AP2B1: variants seen among roughly 807,000 people sequenced by gnomAD.
AP2B1 encodes the protein adaptor related protein complex 2 subunit beta 1.
A neutral mutation model predicts 102.0 loss-of-function variants in AP2B1; 23 were observed. The ratio of observed to expected loss-of-function variants is 0.23; its 90% CI spans 0.16 to 0.32. AP2B1 has a LOEUF of 0.32. Ranked by LOEUF, AP2B1 falls within the 10% of genes least tolerant of loss-of-function variation. The probability of loss-of-function intolerance (pLI) is 1.00; values close to 1 mark genes in which losing one functional copy is unlikely to be tolerated. For synonymous variants in AP2B1, 381 were observed against 421.2 expected (o/e 0.90, Z 1.17); for missense variants, 541 against 1,157.4 (o/e 0.47, Z 7.73).
chr17:35,616,565 A>G (rs2074027963), intron 5 of AP2B1, among the ~76,000 whole-genome samples: 3 of 152,194 alleles, frequency 2.0e-5, no homozygotes, highest in African/African-American at 7.2e-5. Context: ...AGTTTCACCT[A>G]ATGTTAACAT....
Position 35,626,802 on chromosome 17 carries a change from T to C in AP2B1, c.898T>C (p.Tyr300His). 6 of 1,614,046 alleles carry C rather than the reference T, an allele frequency of 3.7e-6. No individual in the cohort carries two copies. The highest frequency in any genetic ancestry group is 5.1e-6 in the Non-Finnish European group (6 of 1,179,992). The stretch of plus-strand genomic sequence containing the variant: ...GCTGTCTGGGGAGCCAGAAGTGCAG[T>C]ATGTCGCCCTGAGGAACATCAACTT... ...TLLSGEPEVQ[Y>H]VALRNINLIV... Residue 300 changes from tyrosine to histidine, a missense_variant, in exon 7 of 22, where the codon TAT becomes CAT. Coordinates refer to ENST00000610402, the MANE Select transcript of AP2B1 (RefSeq NM_001030006.2).
Position 35,588,405 on chromosome 17 carries a change from G to A in AP2B1, c.-24+977G>A, listed in dbSNP as rs1215261604. Among the ~76,000 whole-genome samples the A allele has an allele frequency of 2.0e-5, 3 of 152,290 alleles. No individual in the cohort carries two copies. The East Asian group carries it at 5.8e-4, about 29-fold the overall frequency. Reference sequence around the variant, plus strand: ...GATCCTCCCGCTTCGGCCTCCTAAAGTTTTGTGATTACAGGCGTGAGCCAG... The same window carrying A: ...GATCCTCCCGCTTCGGCCTCCTAAAATTTTGTGATTACAGGCGTGAGCCAG... On this transcript the variant is annotated intron_variant, in intron 1 of 21. Coordinates refer to ENST00000610402, the MANE Select transcript of AP2B1 (RefSeq NM_001030006.2).
intron 5 of AP2B1, 68 bp from the exon 6 acceptor site, chr17:35,624,329 C>T: frequency 1.4e-6 from 2 of 1,418,642 alleles, no homozygotes; most frequent in South Asian, 1.2e-5. Flanking sequence ...CCAGAGAAGG[C>T]TGATGAAGTG....
intron 20 of AP2B1, among the ~76,000 whole-genome samples, chr17:35,715,330 C>T (rs2076531600): frequency 1.3e-5 from 2 of 152,170 alleles, no homozygotes; most frequent in Non-Finnish European, 2.9e-5. Flanking sequence ...AGTTTCTTAG[C>T]CTGTCATCTC....
In AP2B1 at chr17:35,671,811, C is replaced by T. The variant is rs1476214337; in HGVS notation, c.2089C>T (p.Pro697Ser). ...VPATFAPSPT[P>S]AVVSSGLNDL... ...TGCAACCTTTGCTCCTTCACCTACA[C>T]CTGCTGTGGTCAGCAGTGGACTGAA... The change falls in exon 16 of 22, where the codon CCT (proline) becomes TCT (serine). Residue 697 changes from proline (P) to serine (S), a missense_variant. Pro to Ser is a moderately conservative substitution (Grantham distance 74). Transcript: ENST00000610402. 17 of 1,613,900 alleles carry T rather than the reference C, an allele frequency of 1.1e-5. No homozygotes were observed. The highest frequency in any genetic ancestry group is 1.4e-5 in the Non-Finnish European group (17 of 1,179,834).
At chr17:35,682,173 T>C (rs905264866) in intron 17 of AP2B1, among the ~76,000 whole-genome samples, 1 of 151,786 alleles carries the variant, frequency 6.6e-6, no homozygotes, top group Admixed American at 6.6e-5. Flanking sequence ...GAGGATCACT[T>C]AAACCTGGAA....
intron 5 of AP2B1, among the ~76,000 whole-genome samples, chr17:35,623,564 T>C (rs540651910): frequency 6.6e-6 from 1 of 152,116 alleles, no homozygotes; most frequent in Non-Finnish European, 1.5e-5. Context: ...CTGTATTTCA[T>C]TGAATCTTTA....
intron 18 of AP2B1, among the ~76,000 whole-genome samples, chr17:35,686,909 G>A (rs587692026): frequency 1.6e-4 from 25 of 152,226 alleles, no homozygotes; most frequent in Non-Finnish European, 2.8e-4. Flanking sequence ...CCCGGGAGGC[G>A]GAGCTTGCAG....
At chr17:35,678,423 T>G (rs2075747903) in intron 17 of AP2B1, among the ~76,000 whole-genome samples, 1 of 152,182 alleles carries the variant, frequency 6.6e-6, no homozygotes, top group African/African-American at 2.4e-5. Context: ...CCAGTAAATG[T>G]TGGATAGGAG....
At chr17:35,711,673 C>A (rs374317716) in intron 20 of AP2B1, among the ~76,000 whole-genome samples, 4 of 152,180 alleles carry the variant, frequency 2.6e-5, no homozygotes, top group Admixed American at 1.3e-4. Context: ...GGGTTTCACC[C>A]TGTTAGCCAG....
At chr17:35,697,505 TC>T (rs756618836) in intron 18 of AP2B1, among the ~76,000 whole-genome samples, 18 of 152,218 alleles carry the variant, frequency 1.2e-4, no homozygotes, top group Non-Finnish European at 2.4e-4. Flanking sequence ...ATGAGGAAGT[TC>T]AAGGATGCTC....
At chr17:35,662,564 C>A (rs1291469211) in intron 14 of AP2B1, among the ~76,000 whole-genome samples, 5 of 122,126 alleles carry the variant, frequency 4.1e-5, no homozygotes, top group African/African-American at 1.5e-4. Flanking sequence ...GACTCTGGTA[C>A]TTAATCTAAG....
At chr17:35,626,030 G>A (rs376754310) in intron 6 of AP2B1, among the ~76,000 whole-genome samples, 29 of 152,184 alleles carry the variant, frequency 1.9e-4, no homozygotes, top group African/African-American at 6.3e-4. Flanking sequence ...GGCTAGGAGA[G>A]GGGGGAGACA....
rs2075850358 is a variant in AP2B1, at chr17:35,682,711, A to G, written c.2341A>G (p.Ser781Gly). The G allele has an allele frequency of 6.2e-6, 10 of 1,611,170 alleles. No individual in the cohort carries two copies. The highest frequency in any genetic ancestry group is 1.7e-5 in the Admixed American group (1 of 59,876). Residue 781 changes from serine to glycine, a missense_variant, in exon 18 of 22, where the codon AGC becomes GGC. This residue lies in a region of AP2B1 where 117 missense variants were observed against 206.7 expected (regional missense o/e 0.57). Transcript: ENST00000610402. ...FNKNSFGVIP[S>G]TPLAIHTPLM... ...CTCTTCTAGCTTTGGTGTCATCCCC[A>G]GCACTCCTCTGGCCATCCATACACC... is the stretch of plus-strand genomic sequence containing the variant.
intron 13 of AP2B1, 164 bp downstream of exon 13, chr17:35,650,953 C>T: frequency 1.4e-6 from 1 of 712,928 alleles, no homozygotes. Flanking sequence ...ACACCTACTA[C>T]TATACAACCC....
chr17:35,638,458 T>C (rs978586581), intron 10 of AP2B1, among the ~76,000 whole-genome samples: 7 of 152,276 alleles, frequency 4.6e-5, no homozygotes, highest in Non-Finnish European at 7.4e-5. Context: ...GAGAAATAAG[T>C]CAGTGCAGGT....
intron 12 of AP2B1, among the ~76,000 whole-genome samples, chr17:35,642,397 G>A (rs1372494363): frequency 6.6e-6 from 1 of 152,134 alleles, no homozygotes; most frequent in Non-Finnish European, 1.5e-5. Flanking sequence ...GAAATTAAGT[G>A]TTTATGCTGC....
intron 21 of AP2B1, among the ~76,000 whole-genome samples, chr17:35,718,866 G>A (rs1555591455): frequency 6.6e-6 from 1 of 151,668 alleles, no homozygotes; most frequent in East Asian, 1.9e-4. Flanking sequence ...ATTACTCCCA[G>A]GTTGCAGATA....
At chr17:35,689,138 C>T (rs1598292834) in intron 18 of AP2B1, among the ~76,000 whole-genome samples, 1 of 152,058 alleles carries the variant, frequency 6.6e-6, no homozygotes, top group African/African-American at 2.4e-5. Flanking sequence ...GAAACAAATC[C>T]CAGACATTTA....
Sources: gnomAD v4.1 joint callset for allele counts (sites outside exome capture counted in the v4.1 genomes callset) on GRCh38, gnomAD v4.1.1 for gene constraint, gnomAD v4.1.1 regional missense constraint, MANE v1.5 for transcripts, NCBI Gene and HGNC (gene_info 2026-07-23, HGNC 2026-07-21) for gene names.